CDCP2: variants seen among roughly 807,000 people sequenced by gnomAD.
CDCP2 encodes CUB domain containing protein 2.
CDCP2 carries 31 observed loss-of-function variants against 31.0 expected under a neutral mutation model. That is an observed-to-expected ratio of 1.00 (90% CI 0.75 to 1.35). CDCP2 has a LOEUF of 1.35. Ranked by LOEUF, CDCP2 falls within the 40% of genes most tolerant of loss-of-function variation. CDCP2 has a pLI of 0.00. For synonymous variants in CDCP2, 206 were observed against 207.9 expected, an observed-to-expected ratio of 0.99 and a Z score of 0.08; for missense variants, 443 against 482.6, an observed-to-expected ratio of 0.92 and a Z score of 0.77.
exon 3 of CDCP2, chr1:54,141,408 G>T: frequency 6.2e-7 from 1 of 1,611,484 alleles, no homozygotes; most frequent in East Asian, 2.2e-5. Flanking sequence ...CCCCTGACAG[G>T]CCAGTCAGGA....
chr1:54,136,684 G>A (rs1659263334), exon 5 of CDCP2: 6 of 399,130 alleles, frequency 1.5e-5, no homozygotes, highest in Non-Finnish European at 2.7e-5. Context: ...GGTTGCCGCC[G>A]ACCTCCTGGG....
intron 2 of CDCP2, chr1:54,142,548 T>TTGCTGGAG (rs921197545): frequency 2.0e-5 from 3 of 152,252 alleles, no homozygotes; most frequent in Non-Finnish European, 2.9e-5. Context: ...ATGCTGCGAC[T>TTGCTGGAG]TGCTGGAGGT....
intron 5 of CDCP2, among the ~76,000 whole-genome samples, chr1:54,133,587 C>CT (rs1659201840): frequency 6.6e-6 from 1 of 152,184 alleles, no homozygotes; most frequent in African/African-American, 2.4e-5. Flanking sequence ...ACAATGTTCT[C>CT]TTATTGGTAC....
intron 3 of CDCP2, 77 bp downstream of exon 3, chr1:54,141,021 A>AC: frequency 8.1e-7 from 1 of 1,238,664 alleles, no homozygotes; most frequent in Non-Finnish European, 1.1e-6. Context: ...GAAAGGTGTG[A>AC]CCCCTGCAAG....
At chr1:54,137,593 C>T (rs927628872) in intron 4 of CDCP2, among the ~76,000 whole-genome samples, 3 of 151,944 alleles carry the variant, frequency 2.0e-5, no homozygotes, top group Non-Finnish European at 4.4e-5. Flanking sequence ...TTGCCCTATT[C>T]AGCAGGCTCC....
At chr1:54,144,594 T>C (rs972211122) in exon 2 of CDCP2, 3 of 1,614,202 alleles carry the variant, frequency 1.9e-6, no homozygotes, top group East Asian at 2.2e-5. Flanking sequence ...CCCCAGCAGG[T>C]TGCCCTTGTC....
chr1:54,139,952 C>T, exon 4 of CDCP2: 1 of 1,614,210 alleles, frequency 6.2e-7, no homozygotes, highest in Non-Finnish European at 8.5e-7. Context: ...GGCTGTTGGG[C>T]TCCTCCAGGT....
At chr1:54,152,786 G>C in intron 1 of CDCP2, 58 bp downstream of exon 1, 1 of 1,504,958 alleles carries the variant, frequency 6.6e-7, no homozygotes, top group Admixed American at 1.8e-5. Flanking sequence ...TGAGCCCCTG[G>C]CTGTTGCCTG....
chr1:54,137,682 T>TGTGTGTGTGTGC (rs1464484780), intron 4 of CDCP2: 7 of 130,624 alleles, frequency 5.4e-5, no homozygotes, highest in South Asian at 3.1e-4. Context: ...TGTGTGTGTG[T>TGTGTGTGTGTGC]GCGTGTGTGT....
At position 54,146,181 on chromosome 1, in the gene CDCP2, A is replaced by ATT. The variant is rs11314265; in HGVS notation, c.80-1370_80-1369dup. On this transcript the variant is annotated intron_variant, in intron 1 of 5. Transcript: ENST00000530059. ...TTTCAGTGTAAGAGTGGTAAGTATA[A>ATT]TTTTTTTTTTTTTTTTTACGTGGAG... 6.1e-4 allele frequency among the ~76,000 whole-genome samples: 89 copies of ATT among 145,356 alleles called. 2 individuals carry two copies. Among genetic ancestry groups the ATT allele is most frequent in the African/African-American group, 2.0e-3 (78 of 39,206 alleles).
At chr1:54,141,246 C>T in exon 3 of CDCP2, 1 of 1,614,140 alleles carries the variant, frequency 6.2e-7, no homozygotes, top group South Asian at 1.1e-5. Context: ...GCCCCCCAAG[C>T]ACAGCCACGT....
chr1:54,139,448 C>T, intron 4 of CDCP2: 1 of 1,217,870 alleles, frequency 8.2e-7, no homozygotes. Context: ...TACAGGGGAC[C>T]AATAACAACA....
At chr1:54,144,739 AGGGGTACAGTCTAGGGAAGTT>A in exon 2 of CDCP2, 1 of 1,614,208 alleles carries the variant, frequency 6.2e-7, no homozygotes, top group Non-Finnish European at 8.5e-7. Flanking sequence ...TCTGTGTTGT[AGGGGTACAGTCTAGGGAAGTT>A]GGGGCTGGAG....
At chr1:54,139,646 G>GA in intron 4 of CDCP2, 107 bp downstream of exon 4, 1 of 1,581,516 alleles carries the variant, frequency 6.3e-7, no homozygotes, top group East Asian at 2.3e-5. Flanking sequence ...GACCATTCAT[G>GA]GGGGGGGCAG....
chr1:54,133,192 G>A (rs779098408), exon 6 of CDCP2: 60 of 398,994 alleles, frequency 1.5e-4, no homozygotes, highest in Admixed American at 1.4e-3. Flanking sequence ...GCCTCCTTGC[G>A]CCGTGGCTCA....
In CDCP2 at chr1:54,137,407, G is replaced by A. The variant is rs188835056; in HGVS notation, c.1118-599C>T. 3.0e-3 allele frequency among the ~76,000 whole-genome samples: 459 copies of A among 152,276 alleles called. 12 individuals carry two copies. The highest frequency in any genetic ancestry group is 0.024 in the Admixed American group (373 of 15,294). ...TCGGAACTGGGGAGGAATGAGGAAG[G>A]AGAGCTTCAGTTTTAAAAAGGGTGG... is the stretch of plus-strand genomic sequence containing the variant. On this transcript the variant is annotated intron_variant, in intron 4 of 5. Transcript: ENST00000530059.
chr1:54,144,446 C>A lies in CDCP2; in HGVS notation c.427+20G>T. 1.3e-6 allele frequency: 2 copies of A among 1,549,872 alleles called. No individual in the cohort carries two copies. The highest frequency in any genetic ancestry group is 2.5e-5 in the South Asian group (2 of 80,428). On this transcript the variant is annotated intron_variant, in intron 2 of 5. Transcript: ENST00000530059. ...ACAGGTGTGAGCCACTGCAACAGGTCCCTAAGGCCCCCCGTTGACCTTTCT... is the reference window on the plus strand; with the variant it reads ...ACAGGTGTGAGCCACTGCAACAGGTACCTAAGGCCCCCCGTTGACCTTTCT...
chr1:54,151,626 G>T (rs1194730627), intron 1 of CDCP2, among the ~76,000 whole-genome samples: 1 of 152,200 alleles, frequency 6.6e-6, no homozygotes, highest in Non-Finnish European at 1.5e-5. Flanking sequence ...GGGTTGAGAT[G>T]CTTGGGTGCC....
intron 1 of CDCP2, among the ~76,000 whole-genome samples, chr1:54,151,440 G>A (rs757567151): frequency 2.8e-4 from 42 of 152,310 alleles, no homozygotes; most frequent in Admixed American, 5.2e-4. Context: ...AGGGAAAGGC[G>A]CCAGAGCATC....
Sources: allele counts gnomAD v4.1 joint callset (sites outside exome capture counted in the v4.1 genomes callset), GRCh38; gene constraint gnomAD v4.1.1; transcripts MANE v1.5; gene names NCBI Gene and HGNC (gene_info 2026-07-23, HGNC 2026-07-21).